The following RANBP17 variants were observed in gnomAD, a reference collection of about 807,000 sequenced individuals.
RANBP17 encodes ran-binding protein 17.
In RANBP17, 158 loss-of-function variants were observed where a neutral mutation model predicts 141.2. The ratio of observed to expected loss-of-function variants is 1.12; its 90% CI spans 0.98 to 1.28. The LOEUF is 1.28. RANBP17 is among the 50% of genes most tolerant of loss of function. The pLI, the probability that RANBP17 is intolerant of heterozygous loss-of-function variation, is 0.00. For missense variants in RANBP17, 1,438 were observed against 1,290.7 expected, an observed-to-expected ratio of 1.11 and a Z score of -1.75; for synonymous variants, 430 against 450.0, an observed-to-expected ratio of 0.96 and a Z score of 0.56.
intron 14 of RANBP17, among the ~76,000 whole-genome samples, chr5:171,115,165 T>C (rs1755525180): frequency 6.6e-6 from 1 of 151,966 alleles, no homozygotes; most frequent in South Asian, 2.1e-4. Context: ...ATGAAAGAGA[T>C]TTTTGCCAAG....
chr5:171,083,745 G>A (rs1785414062), intron 14 of RANBP17, among the ~76,000 whole-genome samples: 1 of 152,108 alleles, frequency 6.6e-6, no homozygotes, highest in Non-Finnish European at 1.5e-5. Flanking sequence ...TCATGGGGCA[G>A]GTCTTTCCCA....
rs548419473 is a variant in RANBP17 at position 171,178,177 on chromosome 5, C to A, written c.1866-4990C>A. 3.5e-5 allele frequency among the ~76,000 whole-genome samples: 5 copies of A among 140,932 alleles called. No individual in the cohort carries two copies. In the South Asian group the frequency reaches 7.4e-4, roughly 21 times the overall value. The allele number at this position is 140,932 out of a possible 152,430, so 92.5% of individuals were successfully genotyped here. A position where few individuals can be genotyped will look rare whatever the true frequency, so the allele number is the denominator to read the frequency against. On this transcript the variant is annotated intron_variant, in intron 16 of 27. Transcript: ENST00000523189. ...TAATGCTATCCCTCCCCTACCCCCCCACCCCCCGACAGGCCCCTGACGTGT... is the reference window on the plus strand; with the variant it reads ...TAATGCTATCCCTCCCCTACCCCCCAACCCCCCGACAGGCCCCTGACGTGT...
At chr5:171,096,470 T>C (rs1310530406) in intron 14 of RANBP17, among the ~76,000 whole-genome samples, 1 of 152,186 alleles carries the variant, frequency 6.6e-6, no homozygotes, top group South Asian at 2.1e-4. Context: ...GAATGTTGAA[T>C]TCATTTGCTA....
At chr5:171,078,681 A>G (rs779666) in intron 14 of RANBP17, among the ~76,000 whole-genome samples, 102,685 of 152,018 alleles carry the variant, frequency 0.68, 34,915 homozygotes, top group South Asian at 0.89. Context: ...TAAATCTATC[A>G]GTGCTCTAGA....
At chr5:171,156,080 T>C (rs996186288) in intron 14 of RANBP17, among the ~76,000 whole-genome samples, 2 of 152,116 alleles carry the variant, frequency 1.3e-5, no homozygotes, top group Admixed American at 1.3e-4. Flanking sequence ...GCAATTCTTA[T>C]GGATATGTGA....
intron 5 of RANBP17, among the ~76,000 whole-genome samples, chr5:170,902,632 C>G (rs1054677586): frequency 6.6e-6 from 1 of 152,198 alleles, no homozygotes; most frequent in Non-Finnish European, 1.5e-5. Flanking sequence ...CCTTTTTGCA[C>G]TGGTTTTTCC....
intron 14 of RANBP17, among the ~76,000 whole-genome samples, chr5:171,030,670 C>T (rs1237902023): frequency 2.6e-5 from 4 of 151,916 alleles, no homozygotes; most frequent in Non-Finnish European, 5.9e-5. Context: ...ATTTAGAAAT[C>T]TCAACATTAA....
At chr5:171,252,022 A>G (rs1765606291) in intron 24 of RANBP17, 1 of 1,607,154 alleles carries the variant, frequency 6.2e-7, no homozygotes, top group African/African-American at 1.3e-5. Context: ...TCTTGCATAG[A>G]AGAGTCAACC....
intron 14 of RANBP17, among the ~76,000 whole-genome samples, chr5:171,168,687 G>A (rs906639985): frequency 6.6e-6 from 1 of 152,076 alleles, no homozygotes; most frequent in Admixed American, 6.6e-5. Context: ...CATCTTACAA[G>A]CAACAATGGT....
intron 14 of RANBP17, among the ~76,000 whole-genome samples, chr5:171,047,447 T>G (rs1012584226): frequency 3.3e-4 from 49 of 150,150 alleles, no homozygotes; most frequent in Non-Finnish European, 5.5e-4. Context: ...GTTTTGTTTT[T>G]TTTTTTTGAG....
chr5:171,075,577 G>GT (rs1427748815), intron 14 of RANBP17, among the ~76,000 whole-genome samples: 2 of 152,188 alleles, frequency 1.3e-5, no homozygotes, highest in Non-Finnish European at 2.9e-5. Context: ...GGAGAGTGGT[G>GT]TTTCTTTTGG....
At chr5:171,232,830 A>G (rs998194205) in intron 22 of RANBP17, among the ~76,000 whole-genome samples, 1 of 152,208 alleles carries the variant, frequency 6.6e-6, no homozygotes, top group Non-Finnish European at 1.5e-5. Flanking sequence ...AATAGCTGCA[A>G]AATATTCCAT....
intron 14 of RANBP17, among the ~76,000 whole-genome samples, chr5:171,118,776 A>G (rs1373311253): frequency 6.6e-6 from 1 of 152,168 alleles, no homozygotes; most frequent in East Asian, 1.9e-4. Flanking sequence ...TTGAGGGTGT[A>G]TCCTGCAACT....
At position 171,038,162 on chromosome 5, in the gene RANBP17, T is replaced by TTGTGTGTG. The variant is rs61652416; in HGVS notation, c.1710+69812_1710+69819dup. Among the ~76,000 whole-genome samples, 410 of 144,830 alleles carry TTGTGTGTG rather than the reference T, an allele frequency of 2.8e-3. 3 individuals carry two copies. Among genetic ancestry groups the TTGTGTGTG allele is most frequent in the African/African-American group, 7.4e-3 (294 of 39,514 alleles). On this transcript the variant is annotated intron_variant, in intron 14 of 27. Coordinates refer to ENST00000523189, the MANE Select transcript of RANBP17 (RefSeq NM_022897.5). ...TTTTGTTTAGATGTATTCTTAGGTA[T>TTGTGTGTG]TGTGTGTGTGTGTGTGTGTGTGTGT...
chr5:171,265,634 C>T (rs1351492322), intron 24 of RANBP17, 47 bp from the exon 25 acceptor site: 10 of 1,471,122 alleles, frequency 6.8e-6, no homozygotes, highest in Non-Finnish European at 9.1e-6. Flanking sequence ...TCAAATGGAG[C>T]AAAAACTTAA....
At chr5:171,003,080 A>G (rs747605751) in intron 14 of RANBP17, among the ~76,000 whole-genome samples, 4 of 152,216 alleles carry the variant, frequency 2.6e-5, no homozygotes, top group Non-Finnish European at 5.9e-5. Context: ...CTCTGAAAGT[A>G]TTAGGGCAAT....
At chr5:171,031,918 G>A (rs557596028) in intron 14 of RANBP17, among the ~76,000 whole-genome samples, 1 of 152,142 alleles carries the variant, frequency 6.6e-6, no homozygotes, top group Non-Finnish European at 1.5e-5. Context: ...ATTTCAGAAA[G>A]GTGGCGTCCA....
chr5:170,993,509 G>A (rs1360815739), intron 14 of RANBP17, among the ~76,000 whole-genome samples: 4 of 152,010 alleles, frequency 2.6e-5, no homozygotes, highest in African/African-American at 9.7e-5. Context: ...AGATTGTTTG[G>A]ATTTAACTGC....
At chr5:171,142,476 A>G (rs1045782025) in intron 14 of RANBP17, among the ~76,000 whole-genome samples, 2 of 152,204 alleles carry the variant, frequency 1.3e-5, no homozygotes, top group African/African-American at 2.4e-5. Flanking sequence ...GTTCTGCCCT[A>G]TCCTTTATAG....
Sources: gnomAD v4.1 joint callset for allele counts (sites outside exome capture counted in the v4.1 genomes callset) on GRCh38, gnomAD v4.1.1 for gene constraint, MANE v1.5 for transcripts, NCBI Gene and HGNC (gene_info 2026-07-23, HGNC 2026-07-21) for gene names.